The following BPIFB1 variants were observed in gnomAD, a reference collection of about 807,000 sequenced individuals.
BPIFB1 encodes the protein BPI fold containing family B member 1, also known as BPI fold-containing family B member 1.
In BPIFB1, 34 loss-of-function variants were observed where a neutral mutation model predicts 55.1. The observed-to-expected ratio is 0.62, with a 90% CI of 0.47 to 0.82. The LOEUF (loss-of-function observed/expected upper bound fraction) is 0.82. Among genes scored for constraint, BPIFB1 ranks in the 40% least tolerant of loss-of-function variants. BPIFB1 has a pLI of 0.00. For missense variants in BPIFB1, 532 were observed against 593.1 expected (o/e 0.90, Z 1.07); for synonymous variants, 236 against 245.3 (o/e 0.96, Z 0.35).
chr20:33,286,189 G>A lies in BPIFB1; in HGVS notation c.115+1G>A, dbSNP rs762184843. The A allele has an allele frequency of 6.2e-7, 1 of 1,614,074 alleles. No homozygotes were observed. The highest frequency in any genetic ancestry group is 1.7e-5 in the Admixed American group (1 of 60,020). The stretch of plus-strand genomic sequence containing the variant: ...CTCGGCCCAAAAGTCATCAAAGAAA[G>A]TAAGTTTTGTCCCTCCGGAGCTGGC... On this transcript the variant is annotated splice_donor_variant, in intron 2 of 15. Coordinates refer to ENST00000253354, the MANE Select transcript of BPIFB1 (RefSeq NM_033197.3). LOFTEE classifies it high-confidence loss of function.
intron 14 of BPIFB1, chr20:33,306,504 T>C: frequency 3.2e-6 from 1 of 313,482 alleles, no homozygotes; most frequent in Non-Finnish European, 6.0e-6. Flanking sequence ...CCTGGCACAG[T>C]CAGTGCCCAA....
At chr20:33,289,423 G>A (rs1208722954) in intron 3 of BPIFB1, among the ~76,000 whole-genome samples, 2 of 151,886 alleles carry the variant, frequency 1.3e-5, no homozygotes, top group African/African-American at 2.4e-5. Context: ...CCAGAGCAAG[G>A]TTGTCTGGGG....
rs367661501 is a variant in BPIFB1 at position 33,301,322 on chromosome 20, G to A, written c.837G>A (p.Pro279=). The part of the protein sequence containing the change: ...SLTMPTLDNI[P]FSLIVSQDVV... ...CAATGCCCACCCTGGACAACATCCC[G>A]TTCAGCCTCATCGTGAGTCAGGACG... Residue 279 remains proline, a synonymous_variant, in exon 9 of 16, where the codon CCG becomes CCA. Coordinates refer to ENST00000253354, the MANE Select transcript of BPIFB1 (RefSeq NM_033197.3). The A allele has an allele frequency of 3.2e-5, 52 of 1,614,074 alleles. No individual in the cohort carries two copies. Among genetic ancestry groups the A allele is most frequent in the East Asian group, 2.2e-4 (10 of 44,904 alleles).
intron 6 of BPIFB1, among the ~76,000 whole-genome samples, chr20:33,293,088 G>GT (rs1297154665): frequency 6.6e-6 from 1 of 152,082 alleles, no homozygotes. Context: ...GGCATGGCTA[G>GT]TTTTTATATT....
chr20:33,291,801 G>GC, intron 5 of BPIFB1, 106 bp from the exon 6 acceptor site: 2 of 1,008,938 alleles, frequency 2.0e-6, no homozygotes, highest in Non-Finnish European at 3.0e-6. Context: ...GTGACCTTGG[G>GC]CAGGTTCCTT....
chr20:33,296,241 G>A (rs956688158), intron 6 of BPIFB1, among the ~76,000 whole-genome samples: 1 of 152,152 alleles, frequency 6.6e-6, no homozygotes, highest in African/African-American at 2.4e-5. Flanking sequence ...GAGGTTCCCC[G>A]GGACACTTTC....
At chr20:33,304,102 C>A in intron 12 of BPIFB1, 77 bp downstream of exon 12, 1 of 1,363,416 alleles carries the variant, frequency 7.3e-7, no homozygotes, top group Non-Finnish European at 1.0e-6. Flanking sequence ...TCTTTAAACA[C>A]CGACTTTGTG....
intron 7 of BPIFB1, 121 bp from the exon 8 acceptor site, chr20:33,299,778 C>A: frequency 1.3e-6 from 1 of 742,328 alleles, no homozygotes; most frequent in Non-Finnish European, 2.4e-6. Flanking sequence ...ATCATTATTA[C>A]CTGCTCCTCC....
chr20:33,291,180 T>C (rs1383436213), intron 5 of BPIFB1, 74 bp downstream of exon 5: 25 of 1,561,580 alleles, frequency 1.6e-5, no homozygotes, highest in Non-Finnish European at 2.2e-5. Context: ...TTCCCCCATT[T>C]TACAAATGGA....
At chr20:33,300,585 T>G (rs1980815475) in intron 8 of BPIFB1, among the ~76,000 whole-genome samples, 1 of 152,036 alleles carries the variant, frequency 6.6e-6, no homozygotes, top group Admixed American at 6.5e-5. Flanking sequence ...CAGACTAGGT[T>G]TCTTTTGTTT....
rs1980998003 is a variant in BPIFB1, at chr20:33,305,587, G to A, written c.1255-415G>A. 2.0e-5 allele frequency among the ~76,000 whole-genome samples: 3 copies of A among 152,092 alleles called. 1 individual carries two copies. The highest frequency in any genetic ancestry group is 4.4e-5 in the Non-Finnish European group (3 of 68,004). ...CCGCCTTGGCCTCCCAAAGTGCTGG[G>A]ATTACAGGCATGAGCCACCATGCCC... is the stretch of plus-strand genomic sequence containing the variant. On this transcript the variant is annotated intron_variant, in intron 13 of 15. Transcript: ENST00000253354.
intron 1 of BPIFB1, among the ~76,000 whole-genome samples, chr20:33,283,616 T>C (rs1436985429): frequency 1.3e-5 from 2 of 151,876 alleles, no homozygotes; most frequent in African/African-American, 4.8e-5. Context: ...TGCAGGACAA[T>C]GTGGTGCCCA....
At chr20:33,295,172 G>A (rs1021428208) in intron 6 of BPIFB1, among the ~76,000 whole-genome samples, 2 of 150,720 alleles carry the variant, frequency 1.3e-5, no homozygotes, top group Admixed American at 6.6e-5. Context: ...CTGAGATAAC[G>A]CCACTGCACT....
At chr20:33,306,271 GT>G (rs1223016635) in intron 14 of BPIFB1, among the ~76,000 whole-genome samples, 1 of 152,176 alleles carries the variant, frequency 6.6e-6, no homozygotes, top group Non-Finnish European at 1.5e-5. Flanking sequence ...GAACCAAGCA[GT>G]GGGCCAGACT....
In BPIFB1 at chr20:33,305,005, G is replaced by A. The variant is rs1980976960; in HGVS notation, c.1254+114G>A. On this transcript the variant is annotated intron_variant, in intron 13 of 15. Transcript: ENST00000253354. The stretch of plus-strand genomic sequence containing the variant: ...AACAAGGTCCCCACAGAAGCACCAT[G>A]GGGGGCTGGCCGGTCTCCACCAAAG... 4.9e-6 allele frequency: 6 copies of A among 1,236,144 alleles called. No homozygotes were observed. The Admixed American group carries it at 7.3e-5, about 15-fold the overall frequency. The allele number at this position is 1,236,144 out of a possible 1,614,324, so 76.6% of individuals were successfully genotyped here.
intron 5 of BPIFB1, among the ~76,000 whole-genome samples, chr20:33,291,541 G>C (rs936391998): frequency 6.6e-6 from 1 of 152,224 alleles, no homozygotes; most frequent in Non-Finnish European, 1.5e-5. Context: ...CTTCCAGGCA[G>C]TGGTGAGAAA....
intron 1 of BPIFB1, among the ~76,000 whole-genome samples, chr20:33,283,730 G>T (rs1467819178): frequency 6.6e-6 from 1 of 152,076 alleles, no homozygotes; most frequent in Non-Finnish European, 1.5e-5. Flanking sequence ...GGGCAAAGGA[G>T]GAGAGAAAGA....
At chr20:33,287,754 C>A (rs1230566540) in intron 2 of BPIFB1, among the ~76,000 whole-genome samples, 1 of 152,122 alleles carries the variant, frequency 6.6e-6, no homozygotes, top group African/African-American at 2.4e-5. Flanking sequence ...GCTGTTAACT[C>A]ACGGGGAAGC....
intron 7 of BPIFB1, among the ~76,000 whole-genome samples, chr20:33,297,953 G>T (rs868200554): frequency 5.3e-5 from 8 of 152,126 alleles, no homozygotes; most frequent in South Asian, 2.1e-4. Context: ...TGTTAGTGAG[G>T]AATAAAAGTC....
Sources: allele counts gnomAD v4.1 joint callset (sites outside exome capture counted in the v4.1 genomes callset), GRCh38; gene constraint gnomAD v4.1.1; transcripts MANE v1.5; gene names NCBI Gene and HGNC (gene_info 2026-07-23, HGNC 2026-07-21).